WIPF2: variants seen among roughly 807,000 people sequenced by gnomAD.
WIPF2 encodes the protein WAS/WASL interacting protein family member 2.
In WIPF2, 23 loss-of-function variants were observed where a neutral mutation model predicts 38.8. The observed-to-expected ratio is 0.59, with a 90% CI of 0.43 to 0.84. WIPF2 has a LOEUF of 0.84. Ranked by LOEUF, WIPF2 falls within the 40% of genes least tolerant of loss-of-function variation. The pLI is 0.00. For missense variants in WIPF2, 574 were observed against 580.5 expected, an observed-to-expected ratio of 0.99 and a Z score of 0.11; for synonymous variants, 210 against 223.2, an observed-to-expected ratio of 0.94 and a Z score of 0.53.
chr17:40,222,742 C>G (rs962121293), intron 1 of WIPF2, among the ~76,000 whole-genome samples: 2 of 126,874 alleles, frequency 1.6e-5, no homozygotes, highest in African/African-American at 3.0e-5. Context: ...GCAGTCTTGG[C>G]TCACTGCAAC....
At chr17:40,275,875 C>T (rs2032382857) in intron 6 of WIPF2, among the ~76,000 whole-genome samples, 1 of 152,284 alleles carries the variant, frequency 6.6e-6, no homozygotes, top group East Asian at 1.9e-4. Context: ...CTTCTAGATT[C>T]TTTAATGGTT....
At position 40,225,238 on chromosome 17, in the gene WIPF2, CT is replaced by C. The variant is rs1318796411; in HGVS notation, c.-70+5761del. Among the ~76,000 whole-genome samples the C allele has an allele frequency of 1.7e-3, 233 of 140,892 alleles. 1 individual carries two copies. Among genetic ancestry groups the C allele is most frequent in the East Asian group, 0.01 (50 of 4,824 alleles). The allele number at this position is 140,892 out of a possible 152,430, so 92.4% of individuals were successfully genotyped here. On this transcript the variant is annotated intron_variant, in intron 1 of 7. Transcript: ENST00000323571. ...GTGGAAGAGAAGACAGTATTTCCAA[CT>C]TTTTTTTTTTTTTTCTTTTCTCACA...
chr17:40,264,314 G>A (rs551743729), intron 4 of WIPF2, among the ~76,000 whole-genome samples, 176 bp from the exon 5 acceptor site: 5 of 69,378 alleles, frequency 7.2e-5, no homozygotes, highest in South Asian at 5.1e-4. Flanking sequence ...CAACAACAGC[G>A]AAACTTCGTC....
Position 40,219,331 on chromosome 17 carries a change from G to T in WIPF2, c.-231G>T. 1 of 344,670 alleles carries T rather than the reference G, an allele frequency of 2.9e-6. No homozygotes were observed. The highest frequency in any genetic ancestry group is 5.0e-5 in the Admixed American group (1 of 19,840). The allele number at this position is 344,670 out of a possible 1,614,324, so 21.4% of individuals were successfully genotyped here. On this transcript the variant is annotated 5_prime_UTR_variant, in exon 1 of 8. Transcript: ENST00000323571. The stretch of plus-strand genomic sequence containing the variant: ...TTTGTTCGCGGACGCTGGGGACGGT[G>T]GGAGCAGATCCATTTCCGGGTTGGC...
rs988390531 is a variant in WIPF2, at chr17:40,278,041, C to G, written c.1283-144C>G. The G allele has an allele frequency of 1.7e-5, 17 of 1,029,972 alleles. No homozygotes were observed. In the Admixed American group the frequency reaches 1.7e-4, roughly 10 times the overall value. The allele number at this position is 1,029,972 out of a possible 1,614,324, so 63.8% of individuals were successfully genotyped here. ...TTGCCTGGCCACTCATCTTCATTTTCTTAGGCAAAACAATAATAACACGTA... is the reference window on the plus strand; with the variant it reads ...TTGCCTGGCCACTCATCTTCATTTTGTTAGGCAAAACAATAATAACACGTA... On this transcript the variant is annotated intron_variant, in intron 7 of 7. Coordinates refer to ENST00000323571, the MANE Select transcript of WIPF2 (RefSeq NM_133264.5).
At chr17:40,254,292 C>T (rs988791889) in intron 1 of WIPF2, among the ~76,000 whole-genome samples, 2 of 152,138 alleles carry the variant, frequency 1.3e-5, no homozygotes, top group Non-Finnish European at 2.9e-5. Context: ...GTTGGGATTA[C>T]AGGCATGAGC....
intron 1 of WIPF2, among the ~76,000 whole-genome samples, chr17:40,240,311 T>C (rs1221245540): frequency 1.3e-5 from 2 of 151,750 alleles, no homozygotes; most frequent in Non-Finnish European, 2.9e-5. Flanking sequence ...GTAATCCACC[T>C]GCCTCGGCCT....
At chr17:40,236,963 T>C (rs1194824476) in intron 1 of WIPF2, among the ~76,000 whole-genome samples, 1 of 152,092 alleles carries the variant, frequency 6.6e-6, no homozygotes, top group Non-Finnish European at 1.5e-5. Flanking sequence ...TGGAAGACTT[T>C]AGGATCTTGC....
At chr17:40,261,135 G>A (rs2031889496) in intron 3 of WIPF2, among the ~76,000 whole-genome samples, 1 of 151,786 alleles carries the variant, frequency 6.6e-6, no homozygotes, top group Non-Finnish European at 1.5e-5. Context: ...CACATTCCTG[G>A]AAACCTCTTG....
chr17:40,254,482 C>T (rs2031659056), intron 1 of WIPF2, among the ~76,000 whole-genome samples: 1 of 152,016 alleles, frequency 6.6e-6, no homozygotes, highest in African/African-American at 2.4e-5. Context: ...AATGGGATTT[C>T]CTTAAAATGG....
chr17:40,273,970 A>T lies in WIPF2; in HGVS notation c.1151A>T (p.Asp384Val), dbSNP rs2032316657. The part of the protein sequence containing the change: ...PPPPLRNGHR[D>V]SITTVRSFLD... Reference sequence around the variant, plus strand: ...CCGCCCCTGAGGAATGGCCACAGAGATTCTATCACCACTGTCCGGTCTTTC... The same window carrying T: ...CCGCCCCTGAGGAATGGCCACAGAGTTTCTATCACCACTGTCCGGTCTTTC... Residue 384 changes from aspartate to valine, a missense_variant, in exon 6 of 8, where the codon GAT (aspartate) becomes GTT (valine). Coordinates refer to ENST00000323571, the MANE Select transcript of WIPF2 (RefSeq NM_133264.5). 1 of 1,584,210 alleles carries T rather than the reference A, an allele frequency of 6.3e-7. No homozygotes were observed. Among genetic ancestry groups the T allele is most frequent in the Non-Finnish European group, 8.6e-7 (1 of 1,164,958 alleles).
intron 1 of WIPF2, among the ~76,000 whole-genome samples, chr17:40,252,666 A>T (rs1019795433): frequency 4.6e-5 from 7 of 151,964 alleles, no homozygotes; most frequent in Non-Finnish European, 7.4e-5. Flanking sequence ...TCTCAAAAAA[A>T]AAAAAAACTA....
intron 1 of WIPF2, among the ~76,000 whole-genome samples, chr17:40,237,248 T>C (rs1451747899): frequency 6.6e-6 from 1 of 150,584 alleles, no homozygotes; most frequent in Non-Finnish European, 1.5e-5. Context: ...TTCCTTTTTT[T>C]TTTTTTTTTT....
At chr17:40,229,632 G>A (rs1374129210) in intron 1 of WIPF2, among the ~76,000 whole-genome samples, 2 of 152,024 alleles carry the variant, frequency 1.3e-5, no homozygotes, top group Admixed American at 6.6e-5. Context: ...TGTTGGCCAG[G>A]CTGGCCTCAA....
intron 2 of WIPF2, among the ~76,000 whole-genome samples, chr17:40,258,136 G>A (rs1449890961): frequency 2.6e-5 from 4 of 152,184 alleles, no homozygotes; most frequent in Non-Finnish European, 4.4e-5. Flanking sequence ...AGTGGCTCAC[G>A]CCTGGAATCC....
At chr17:40,231,399 TCTGA>T (rs1268284526) in intron 1 of WIPF2, among the ~76,000 whole-genome samples, 1 of 151,852 alleles carries the variant, frequency 6.6e-6, no homozygotes, top group Non-Finnish European at 1.5e-5. Flanking sequence ...TTTCCTTCTA[TCTGA>T]CTGTTCTCTG....
rs775234273 is a variant in WIPF2, at chr17:40,264,864, G to A, written c.688G>A (p.Val230Ile). 1 of 1,613,988 alleles carries A rather than the reference G, an allele frequency of 6.2e-7. No individual in the cohort carries two copies. The highest frequency in any genetic ancestry group is 8.5e-7 in the Non-Finnish European group (1 of 1,180,036). The part of the protein sequence containing the change: ...GREGPPAPPP[V>I]KPPPSPVNIR... ...AGAGGGACCTCCTGCTCCACCCCCA[G>A]TCAAACCACCTCCTTCCCCTGTGAA... The change falls in exon 5 of 8, where the codon GTC becomes ATC. Residue 230 changes from valine to isoleucine, a missense_variant. Physicochemically the swap from Val to Ile is conservative, Grantham distance 29. Transcript: ENST00000323571.
intron 1 of WIPF2, among the ~76,000 whole-genome samples, chr17:40,253,097 C>T (rs566801892): frequency 4.9e-4 from 66 of 135,174 alleles, no homozygotes; most frequent in Non-Finnish European, 9.1e-4. Flanking sequence ...GAGTCTCACT[C>T]TGTCACCCAG....
At chr17:40,222,499 ACT>A (rs767419950) in intron 1 of WIPF2, among the ~76,000 whole-genome samples, 3 of 150,398 alleles carry the variant, frequency 2.0e-5, no homozygotes, top group Non-Finnish European at 4.4e-5. Flanking sequence ...CAAGAGCGAA[ACT>A]CCACCTCAAC....
Sources: allele counts gnomAD v4.1 joint callset (sites outside exome capture counted in the v4.1 genomes callset), GRCh38; gene constraint gnomAD v4.1.1; transcripts MANE v1.5; gene names NCBI Gene and HGNC (gene_info 2026-07-23, HGNC 2026-07-21).